Variants in SIRPG observed in about 807,000 individuals in gnomAD.
SIRPG encodes signal-regulatory protein gamma.
A neutral mutation model predicts 35.7 loss-of-function variants in SIRPG; 38 were observed. That is an observed-to-expected ratio of 1.06 (90% CI 0.82 to 1.40). The LOEUF is 1.40. Ranked by LOEUF, SIRPG falls within the 40% of genes most tolerant of loss-of-function variation. SIRPG has a pLI of 0.00. For missense variants in SIRPG, 519 were observed against 483.0 expected, an observed-to-expected ratio of 1.07 and a Z score of -0.70; for synonymous variants, 215 against 190.4, an observed-to-expected ratio of 1.13 and a Z score of -1.06.
chr20:1,682,075 G>A, the SIRPG span, among the ~76,000 whole-genome samples: 1 of 152,122 alleles, frequency 6.6e-6, no homozygotes, highest in Admixed American at 6.5e-5. Flanking sequence ...CACTAATAGA[G>A]TAATGCATGG....
chr20:1,683,917 C>T, the SIRPG span, among the ~76,000 whole-genome samples: 33 of 149,642 alleles, frequency 2.2e-4, no homozygotes, highest in African/African-American at 7.7e-4. Flanking sequence ...TGCAGTGAGC[C>T]GAGATCTCAC....
At chr20:1,661,735 A>C (rs145812076), upstream of SIRPG, among the ~76,000 whole-genome samples, 133 of 152,350 alleles carry the variant, frequency 8.7e-4, no homozygotes, top group Middle Eastern at 3.4e-3. Context: ...CCATTGTGAA[A>C]GAGGAAGTGG....
intron 2 of SIRPG, among the ~76,000 whole-genome samples, chr20:1,640,091 C>T (rs555215101): frequency 6.6e-6 from 1 of 151,970 alleles, no homozygotes; most frequent in Non-Finnish European, 1.5e-5. Flanking sequence ...TTAGGATTGT[C>T]TTGGCTATAC....
rs1294684748 is a variant in SIRPG at position 1,657,657 on chromosome 20, G to A, written c.58C>T (p.Leu20=). The change falls in exon 1 of 6, where the codon CTG becomes TTG. Residue 20 remains leucine (L), a synonymous_variant. Coordinates refer to ENST00000303415, the MANE Select transcript of SIRPG (RefSeq NM_018556.4). The part of the protein sequence containing the change: ...PPGPFLLLTL[L]LGLTEVAGEE... The stretch of plus-strand genomic sequence containing the variant: ...CAATGCTCACCTGTAAGTCCCAGCA[G>A]TAGAGTCAGAAGCAGGAAAGGACCA... 1.2e-6 allele frequency: 2 copies of A among 1,614,232 alleles called. No individual in the cohort carries two copies.
At chr20:1,656,453 C>T (rs1358046781) in intron 1 of SIRPG, among the ~76,000 whole-genome samples, 2 of 152,200 alleles carry the variant, frequency 1.3e-5, no homozygotes, top group African/African-American at 4.8e-5. Context: ...ACTATTACTG[C>T]TGTCATTTGG....
the SIRPG span, among the ~76,000 whole-genome samples, chr20:1,669,029 C>A: frequency 6.6e-6 from 1 of 152,188 alleles, no homozygotes; most frequent in East Asian, 1.9e-4. Flanking sequence ...TCTTCTGGAG[C>A]AGAGACCCCT....
rs377206238 is a variant in SIRPG at position 1,640,659 on chromosome 20, G to A, written c.431-4154C>T. Among the ~76,000 whole-genome samples the A allele has an allele frequency of 3.3e-5, 5 of 152,250 alleles. No individual in the cohort carries two copies. In the South Asian group the frequency reaches 1.0e-3, roughly 32 times the overall value. On this transcript the variant is annotated intron_variant, in intron 2 of 5. Coordinates refer to ENST00000303415, the MANE Select transcript of SIRPG (RefSeq NM_018556.4). The stretch of plus-strand genomic sequence containing the variant: ...TCTAATACTATGTTGAATAGAAATG[G>A]TTAGAGAGGGCGTCCTTGTCTTGTG...
chr20:1,664,350 G>T, the SIRPG span, among the ~76,000 whole-genome samples: 101 of 152,250 alleles, frequency 6.6e-4, no homozygotes, highest in African/African-American at 2.4e-3. Context: ...GGGTTCATTT[G>T]TATTCAAGAG....
the SIRPG span, among the ~76,000 whole-genome samples, chr20:1,675,593 T>G: frequency 5.3e-5 from 8 of 152,180 alleles, no homozygotes; most frequent in African/African-American, 1.9e-4. Flanking sequence ...GGATCAGACC[T>G]TGGCTCCCTG....
rs192836039 is a variant in SIRPG, at chr20:1,654,760, G to A, written c.73+2882C>T. On this transcript the variant is annotated intron_variant, in intron 1 of 5. Coordinates refer to ENST00000303415, the MANE Select transcript of SIRPG (RefSeq NM_018556.4). ...GAGTGAAGAGACAACCTATAGAATG[G>A]AAGAAAACATTTGCAAACCATACAT... Among the ~76,000 whole-genome samples the A allele has an allele frequency of 2.0e-5, 3 of 152,266 alleles. No homozygotes were observed. The East Asian group carries it at 5.8e-4, about 29-fold the overall frequency.
the SIRPG span, among the ~76,000 whole-genome samples, chr20:1,668,198 CTTTT>C: frequency 4.4e-3 from 94 of 21,392 alleles, no homozygotes; most frequent in East Asian, 0.042. Flanking sequence ...TTTTTCTTTT[CTTTT>C]CTTTCTTTCT....
chr20:1,629,838 G>A (rs1449771986), intron 5 of SIRPG, among the ~76,000 whole-genome samples: 1 of 152,082 alleles, frequency 6.6e-6, no homozygotes, highest in Non-Finnish European at 1.5e-5. Context: ...CACACAGAGG[G>A]TCAGAGCACA....
chr20:1,680,897 A>G, the SIRPG span, among the ~76,000 whole-genome samples: 11 of 152,134 alleles, frequency 7.2e-5, no homozygotes, highest in African/African-American at 2.2e-4. Context: ...CCTCCTTATC[A>G]TGGGTATTGG....
intron 1 of SIRPG, among the ~76,000 whole-genome samples, chr20:1,656,430 G>C (rs1471790847): frequency 6.6e-6 from 1 of 152,216 alleles, no homozygotes; most frequent in African/African-American, 2.4e-5. Flanking sequence ...TACAGGAAGA[G>C]AGCAATTGCT....
chr20:1,672,907 T>G, the SIRPG span, among the ~76,000 whole-genome samples: 1 of 152,132 alleles, frequency 6.6e-6, no homozygotes. Context: ...TTTTCATCAT[T>G]AGTTAACTAC....
At chr20:1,669,418 T>C in the SIRPG span, among the ~76,000 whole-genome samples, 18 of 152,308 alleles carry the variant, frequency 1.2e-4, no homozygotes, top group African/African-American at 3.4e-4. Flanking sequence ...TGGTCAAATA[T>C]CAGCATCAGG....
At chr20:1,680,127 T>G in the SIRPG span, among the ~76,000 whole-genome samples, 2 of 152,226 alleles carry the variant, frequency 1.3e-5, no homozygotes, top group African/African-American at 2.4e-5. Context: ...TCGAAAACAA[T>G]ACTCTTGTTA....
intron 4 of SIRPG, chr20:1,633,739 G>A (rs2091769146): frequency 6.6e-6 from 1 of 152,136 alleles, no homozygotes; most frequent in Admixed American, 6.5e-5. Flanking sequence ...GAGGAACCTG[G>A]GCCTTTGAAA....
chr20:1,649,400 C>T lies in SIRPG; in HGVS notation c.82G>A (p.Gly28Ser), dbSNP rs761688818. Reference sequence around the variant, plus strand: ...TGAATCATCTGTAGCTCCTCCTCACCTGCCACTTCTGAAAAGGAGCACAAA... The same window carrying T: ...TGAATCATCTGTAGCTCCTCCTCACTTGCCACTTCTGAAAAGGAGCACAAA... ...TLLLGLTEVA[G>S]EEELQMIQPE... Residue 28 changes from glycine (G) to serine (S), a missense_variant, in exon 2 of 6, where the codon GGT (glycine) becomes AGT (serine). By Grantham distance (56) the Gly-to-Ser change is moderately conservative. Transcript: ENST00000303415. 6.2e-6 allele frequency: 10 copies of T among 1,601,246 alleles called. No homozygotes were observed. The highest frequency in any genetic ancestry group is 3.4e-5 in the Admixed American group (2 of 58,830).
Sources: gnomAD v4.1 joint callset for allele counts (sites outside exome capture counted in the v4.1 genomes callset) on GRCh38, gnomAD v4.1.1 for gene constraint, MANE v1.5 for transcripts, NCBI Gene and HGNC (gene_info 2026-07-23, HGNC 2026-07-21) for gene names.